The following PLPPR3 variants were observed in gnomAD, a reference collection of about 807,000 sequenced individuals.
The protein encoded by PLPPR3 is phospholipid phosphatase related 3, also known as phospholipid phosphatase-related protein type 3.
In PLPPR3, 14 loss-of-function variants were observed where a neutral mutation model predicts 27.3. The ratio of observed to expected loss-of-function variants is 0.51; its 90% CI spans 0.34 to 0.80. The LOEUF (loss-of-function observed/expected upper bound fraction) is 0.80, where lower values mean the gene tolerates loss of function less well. Ranked by LOEUF, PLPPR3 falls within the 30% of genes least tolerant of loss-of-function variation. The pLI is 0.01. For synonymous variants in PLPPR3, 671 were observed against 508.0 expected, an observed-to-expected ratio of 1.32 and a Z score of -4.32; for missense variants, 1,287 against 1,056.9, an observed-to-expected ratio of 1.22 and a Z score of -3.02.
At position 814,768 on chromosome 19, in the gene PLPPR3, G is replaced by C. The variant is rs757464685; in HGVS notation, c.600-19C>G. 4.5e-6 allele frequency: 7 copies of C among 1,561,482 alleles called. No individual in the cohort carries two copies. In the Middle Eastern group the frequency reaches 1.2e-3, roughly 266 times the overall value. On this transcript the variant is annotated intron_variant, in intron 5 of 7. Transcript: ENST00000520876. ...GGTCTTCCTGTAAGAGGCGTCCAGC[G>C]TGAGCCCCGCCCACCTGGGGACCCC...
intron 2 of PLPPR3, among the ~76,000 whole-genome samples, chr19:816,351 G>A (rs111164699): frequency 7.0e-4 from 28 of 39,938 alleles, no homozygotes; most frequent in South Asian, 2.4e-3. Flanking sequence ...CCATCCATCC[G>A]TCCATTCATT....
At chr19:823,441 C>CAAAAAAAA (rs905654427), upstream of PLPPR3, among the ~76,000 whole-genome samples, 5 of 40,094 alleles carry the variant, frequency 1.2e-4, no homozygotes, top group African/African-American at 4.3e-4. Flanking sequence ...GACTCTATCT[C>CAAAAAAAA]AAAAAAAAAA....
intron 2 of PLPPR3, among the ~76,000 whole-genome samples, chr19:817,440 T>C (rs375533412): frequency 1.3e-5 from 2 of 151,528 alleles, no homozygotes; most frequent in Non-Finnish European, 1.5e-5. Flanking sequence ...ACCTGGCTAA[T>C]TTTTTGTATT....
intron 2 of PLPPR3, 88 bp from the exon 3 acceptor site, chr19:815,939 TCTCA>T (rs1052253444): frequency 2.2e-6 from 3 of 1,367,976 alleles, no homozygotes; most frequent in Admixed American, 4.3e-5. Context: ...CCATCCACCG[TCTCA>T]CTCACCTATC....
In PLPPR3 at chr19:813,355, C is replaced by T; in HGVS notation, c.1372G>A (p.Glu458Lys). 1.0e-5 allele frequency: 15 copies of T among 1,483,734 alleles called. No individual in the cohort carries two copies. The highest frequency in any genetic ancestry group is 1.3e-5 in the South Asian group (1 of 76,274). The allele number at this position is 1,483,734 out of a possible 1,614,324, so 91.9% of individuals were successfully genotyped here. The change falls in exon 8 of 8, where the codon GAG becomes AAG. Residue 458 changes from glutamate (E) to lysine (K), a missense_variant. Glu to Lys is a moderately conservative substitution (Grantham distance 56, BLOSUM62 1). Transcript: ENST00000520876. The surrounding 1 kb of genome is among the most constrained non-coding windows in gnomAD (Gnocchi z 4.1). ...GGCGGGGCCGGGCCCTCGTCCTCCT[C>T]CTCTTCCTCCTCCTCCTCTTCCTCT... ...DEEEEEEEEE[E>K]EDEGPAPPSL...
chr19:815,937 C>T (rs902887167), intron 2 of PLPPR3, 86 bp from the exon 3 acceptor site: 11 of 1,378,970 alleles, frequency 8.0e-6, no homozygotes, highest in African/African-American at 7.2e-5. Context: ...GGCCATCCAC[C>T]GTCTCACTCA....
chr19:813,184 C>T lies in PLPPR3; in HGVS notation c.1543G>A (p.Val515Met), dbSNP rs2034968886. 2 of 1,512,522 alleles carry T rather than the reference C, an allele frequency of 1.3e-6. No individual in the cohort carries two copies. Among genetic ancestry groups the T allele is most frequent in the South Asian group, 2.4e-5 (2 of 81,796 alleles). The allele number at this position is 1,512,522 out of a possible 1,614,324, so 93.7% of individuals were successfully genotyped here. The change falls in exon 8 of 8, where the codon GTG (valine) becomes ATG (methionine). Residue 515 changes from valine to methionine, a missense_variant. Coordinates refer to ENST00000520876, the MANE Select transcript of PLPPR3 (RefSeq NM_001270366.2). This position sits in a 1 kb window ranked among gnomAD's most constrained non-coding sequence, Gnocchi z 4.1. ...GCCATCATGAGCCACTTGGCGCGCA[C>T]CCCGGCGCCGCTTTTGGGGGACAGG... The part of the protein sequence containing the change: ...AGLSPKSGAG[V>M]RAKWLMMAEK...
chr19:816,590 TATCC>T (rs1422307976), intron 2 of PLPPR3, among the ~76,000 whole-genome samples: 1 of 72,936 alleles, frequency 1.4e-5, no homozygotes, highest in Admixed American at 1.4e-4. Flanking sequence ...TTCATTCATC[TATCC>T]ATCCATCCAT....
At position 812,541 on chromosome 19, in the gene PLPPR3, G is replaced by GGGGCCC; in HGVS notation, c.*28_*29insGGGCCC. 2 of 617,396 alleles carry GGGGCCC rather than the reference G, an allele frequency of 3.2e-6. No individual in the cohort carries two copies. The highest frequency in any genetic ancestry group is 4.0e-6 in the Non-Finnish European group (2 of 496,530). 38.2% of individuals were successfully genotyped at this position (617,396 alleles called of 1,614,324 possible). On this transcript the variant is annotated 3_prime_UTR_variant, in exon 8 of 8. Transcript: ENST00000520876. Reference sequence around the variant, plus strand: ...GCGCGGCCGCCCGCGCCCTCGGCCCGCCCCCCGCCCGCCCCCGGCCCCGCC... The same window carrying GGGGCCC: ...GCGCGGCCGCCCGCGCCCTCGGCCCGGGGCCCCCCCCCGCCCGCCCCCGGCCCCGCC...
At chr19:818,471 C>A (rs1465209037) in intron 2 of PLPPR3, among the ~76,000 whole-genome samples, 1 of 152,016 alleles carries the variant, frequency 6.6e-6, no homozygotes, top group Non-Finnish European at 1.5e-5. Flanking sequence ...GAGGCTGAGG[C>A]AGGAAGATCA....
upstream of PLPPR3, among the ~76,000 whole-genome samples, chr19:823,542 G>C (rs963832662): frequency 4.6e-5 from 7 of 152,174 alleles, no homozygotes; most frequent in East Asian, 1.3e-3. Flanking sequence ...CCCGGGAAGA[G>C]GGTCGCCTGC....
chr19:821,019 G>A (rs1212167332), intron 2 of PLPPR3, among the ~76,000 whole-genome samples: 1 of 152,226 alleles, frequency 6.6e-6, no homozygotes, highest in Non-Finnish European at 1.5e-5. Flanking sequence ...GTATTCTGTA[G>A]ATATTAATTC....
chr19:820,907 T>C (rs1294987663), intron 2 of PLPPR3, among the ~76,000 whole-genome samples: 1 of 151,510 alleles, frequency 6.6e-6, no homozygotes, highest in African/African-American at 2.4e-5. Flanking sequence ...TCCACCCGCC[T>C]TGGCCTCCCA....
chr19:819,695 G>T (rs557822905), intron 2 of PLPPR3, among the ~76,000 whole-genome samples: 1 of 152,290 alleles, frequency 6.6e-6, no homozygotes, highest in East Asian at 1.9e-4. Context: ...TTGCCCGGGT[G>T]TGAGGTAACG....
At position 812,840 on chromosome 19, in the gene PLPPR3, G is replaced by A. The variant is rs2034956518; in HGVS notation, c.1887C>T (p.Arg629=). 3 of 1,123,248 alleles carry A rather than the reference G, an allele frequency of 2.7e-6. No individual in the cohort carries two copies. The highest frequency in any genetic ancestry group is 1.7e-5 in the African/African-American group (1 of 59,068). The allele number at this position is 1,123,248 out of a possible 1,614,324, so 69.6% of individuals were successfully genotyped here. A position where few individuals can be genotyped will look rare whatever the true frequency, so the allele number is the denominator to read the frequency against. ...YELGDLARGF[R]GGAKPPGVSP... Reference sequence around the variant, plus strand: ...ACACGCCCGGGGGCTTGGCCCCGCCGCGGAAGCCGCGCGCCAGGTCCCCCA... The same window carrying A: ...ACACGCCCGGGGGCTTGGCCCCGCCACGGAAGCCGCGCGCCAGGTCCCCCA... Residue 629 remains arginine (R), a synonymous_variant, in exon 8 of 8, where the codon CGC becomes CGT. Transcript: ENST00000520876.
intron 2 of PLPPR3, among the ~76,000 whole-genome samples, chr19:817,310 G>C (rs1248308034): frequency 1.3e-5 from 2 of 151,828 alleles, no homozygotes. Flanking sequence ...CCCCCACTCT[G>C]TCACGCAGCC....
intron 3 of PLPPR3, 99 bp from the exon 4 acceptor site, chr19:815,426 G>A (rs940496457): frequency 4.1e-5 from 54 of 1,331,892 alleles, no homozygotes; most frequent in South Asian, 2.4e-4. Flanking sequence ...CACAGGCCCC[G>A]GTGTGGATGT....
chr19:818,423 G>T (rs951272947), intron 2 of PLPPR3, among the ~76,000 whole-genome samples: 4 of 151,778 alleles, frequency 2.6e-5, no homozygotes, highest in African/African-American at 9.7e-5. Flanking sequence ...TAATAAGGCC[G>T]ACCGCAGTGG....
chr19:816,430 C>G (rs2035056570), intron 2 of PLPPR3, among the ~76,000 whole-genome samples: 1 of 148,852 alleles, frequency 6.7e-6, no homozygotes, highest in Non-Finnish European at 1.5e-5. Context: ...ATGCACCCAC[C>G]CACCCATCTA....
Sources: gnomAD v4.1 joint callset for allele counts (sites outside exome capture counted in the v4.1 genomes callset) on GRCh38, gnomAD v4.1.1 for gene constraint, Gnocchi (gnomAD v3.1) non-coding constraint, MANE v1.5 for transcripts, NCBI Gene and HGNC (gene_info 2026-07-23, HGNC 2026-07-21) for gene names.